Variants in PCDH9 observed in about 807,000 individuals in gnomAD.
PCDH9 encodes the protein protocadherin 9, also known as protocadherin-9.
A neutral mutation model predicts 70.6 loss-of-function variants in PCDH9; 24 were observed. That is an observed-to-expected ratio of 0.34 (90% CI 0.25 to 0.48). The LOEUF is 0.48. PCDH9 is among the 20% of genes least tolerant of loss of function. The pLI, the probability that PCDH9 is intolerant of heterozygous loss-of-function variation, is 0.99. For missense variants in PCDH9, 1,281 were observed against 1,503.6 expected (o/e 0.85, Z 2.45); for synonymous variants, 562 against 558.5 (o/e 1.01, Z -0.09).
chr13:66,779,849 C>CTCTCTATA (rs1395244975), intron 3 of PCDH9, among the ~76,000 whole-genome samples: 2,033 of 78,856 alleles, frequency 0.026, 23 homozygotes, highest in South Asian at 0.044. Flanking sequence ...CTCTCTCTCT[C>CTCTCTATA]TATATATATA....
chr13:66,539,025 G>A (rs1451996206), intron 4 of PCDH9, among the ~76,000 whole-genome samples: 1 of 151,934 alleles, frequency 6.6e-6, no homozygotes, highest in Non-Finnish European at 1.5e-5. Flanking sequence ...AGTATCTCAT[G>A]ATTCTAAAAC....
At chr13:67,047,705 A>G (rs2085249684) in intron 2 of PCDH9, among the ~76,000 whole-genome samples, 1 of 152,214 alleles carries the variant, frequency 6.6e-6, no homozygotes, top group Admixed American at 6.5e-5. Flanking sequence ...CAAGTGAAAC[A>G]AGGTCTAACA....
chr13:66,516,085 C>T (rs187959322), intron 4 of PCDH9, among the ~76,000 whole-genome samples: 355 of 151,948 alleles, frequency 2.3e-3, no homozygotes, highest in African/African-American at 8.2e-3. Flanking sequence ...AAATTATTGT[C>T]CCATCTAACT....
chr13:66,626,631 A>G lies in PCDH9; in HGVS notation c.3340+4579T>C, dbSNP rs117747688. Among the ~76,000 whole-genome samples, 637 of 152,296 alleles carry G rather than the reference A, an allele frequency of 4.2e-3. 20 individuals are homozygous for G. In the East Asian group the frequency reaches 0.081, roughly 19 times the overall value. On this transcript the variant is annotated intron_variant, in intron 4 of 4. Coordinates refer to ENST00000377865, the MANE Select transcript of PCDH9 (RefSeq NM_203487.3). ...GTTTCTGTCATACCAATGCAATAGGAATTAGACATTTTTAAAAAATGGAAG... is the reference window on the plus strand; with the variant it reads ...GTTTCTGTCATACCAATGCAATAGGGATTAGACATTTTTAAAAAATGGAAG...
intron 2 of PCDH9, among the ~76,000 whole-genome samples, chr13:67,017,229 T>C (rs2084581378): frequency 1.3e-5 from 2 of 152,228 alleles, no homozygotes; most frequent in African/African-American, 4.8e-5. Context: ...TTTGATTTTA[T>C]AAGTAAACTC....
chr13:66,633,211 T>G, intron 3 of PCDH9, among the ~76,000 whole-genome samples: 1 of 152,244 alleles, frequency 6.6e-6, no homozygotes, highest in East Asian at 1.9e-4. Context: ...AAAACTATAA[T>G]CATAAATGGT....
At chr13:66,747,460 G>A (rs774946362) in intron 3 of PCDH9, among the ~76,000 whole-genome samples, 6 of 152,146 alleles carry the variant, frequency 3.9e-5, no homozygotes, top group Non-Finnish European at 5.9e-5. Context: ...TGTGACCAAT[G>A]TGAATATTTT....
chr13:66,879,997 C>T (rs925875977), intron 3 of PCDH9: 1 of 151,798 alleles, frequency 6.6e-6, no homozygotes, highest in Admixed American at 6.6e-5. Flanking sequence ...AACACACAAA[C>T]AGAAGGAATA....
chr13:66,835,140 T>C (rs1215554308), intron 3 of PCDH9, among the ~76,000 whole-genome samples: 2 of 152,178 alleles, frequency 1.3e-5, no homozygotes, highest in African/African-American at 4.8e-5. Flanking sequence ...CTGAAGACAA[T>C]CGTCAGCCAG....
At chr13:66,662,243 C>A (rs143231271) in intron 3 of PCDH9, among the ~76,000 whole-genome samples, 1 of 151,920 alleles carries the variant, frequency 6.6e-6, no homozygotes, top group Non-Finnish European at 1.5e-5. Flanking sequence ...GGGGCTGAGG[C>A]GGGCGGATCA....
At chr13:66,926,083 T>C (rs1472403507) in intron 2 of PCDH9, among the ~76,000 whole-genome samples, 1 of 152,002 alleles carries the variant, frequency 6.6e-6, no homozygotes, top group African/African-American at 2.4e-5. Context: ...GGAGGGCATG[T>C]ATTTTTTAAA....
chr13:67,067,011 T>A (rs996095876), intron 2 of PCDH9, among the ~76,000 whole-genome samples: 3 of 151,630 alleles, frequency 2.0e-5, no homozygotes, highest in Non-Finnish European at 4.4e-5. Context: ...AGAACTCTGC[T>A]TCTAAGAGTG....
chr13:66,877,384 GT>G (rs767897668), intron 3 of PCDH9, among the ~76,000 whole-genome samples: 6,153 of 143,820 alleles, frequency 0.043, 128 homozygotes, highest in Non-Finnish European at 0.055. Flanking sequence ...AGGTTTAGTG[GT>G]TTTTTTTTTT....
At chr13:66,711,042 C>T (rs1457460581) in intron 3 of PCDH9, among the ~76,000 whole-genome samples, 1 of 152,046 alleles carries the variant, frequency 6.6e-6, no homozygotes, top group African/African-American at 2.4e-5. Flanking sequence ...GAGATTAGGA[C>T]ATGTAGTTCT....
At chr13:66,494,257 T>G (rs1179052050) in intron 4 of PCDH9, among the ~76,000 whole-genome samples, 1 of 152,094 alleles carries the variant, frequency 6.6e-6, no homozygotes, top group Non-Finnish European at 1.5e-5. Context: ...TGGCAAAACT[T>G]CAGAAAACAG....
At chr13:66,344,922 G>A (rs1314944575) in intron 4 of PCDH9, among the ~76,000 whole-genome samples, 1 of 152,156 alleles carries the variant, frequency 6.6e-6, no homozygotes. Context: ...TTAATTGCAG[G>A]GAAAGAAAAC....
chr13:66,315,995 G>A (rs1234025204), intron 4 of PCDH9, among the ~76,000 whole-genome samples: 2 of 152,296 alleles, frequency 1.3e-5, no homozygotes, highest in Admixed American at 1.3e-4. Context: ...TGTTGAGAGG[G>A]CTGGTTCCTT....
chr13:67,216,352 T>C (rs1015975028), intron 2 of PCDH9: 1 of 151,994 alleles, frequency 6.6e-6, no homozygotes, highest in Non-Finnish European at 1.5e-5. Flanking sequence ...CTAAAAATTG[T>C]GTCAATTTTT....
intron 2 of PCDH9, among the ~76,000 whole-genome samples, chr13:67,070,715 T>A (rs1245166092): frequency 6.6e-6 from 1 of 152,180 alleles, no homozygotes; most frequent in African/African-American, 2.4e-5. Flanking sequence ...TTAATAGCTC[T>A]CCTTTTTACA....
Sources: gnomAD v4.1 joint callset for allele counts (sites outside exome capture counted in the v4.1 genomes callset) on GRCh38, gnomAD v4.1.1 for gene constraint, MANE v1.5 for transcripts, NCBI Gene and HGNC (gene_info 2026-07-23, HGNC 2026-07-21) for gene names.